The following TMTC2 variants were observed in gnomAD, a reference collection of about 807,000 sequenced individuals.
TMTC2 encodes transmembrane O-mannosyltransferase targeting cadherins 2, also known as protein O-mannosyl-transferase TMTC2.
TMTC2 carries 43 observed loss-of-function variants against 82.4 expected under a neutral mutation model. That is an observed-to-expected ratio of 0.52 (90% CI 0.41 to 0.67). The LOEUF is 0.67. Among genes scored for constraint, TMTC2 ranks in the 30% least tolerant of loss-of-function variants. The pLI, the probability that TMTC2 is intolerant of heterozygous loss-of-function variation, is 0.00. For missense variants in TMTC2, 919 were observed against 1,012.4 expected (o/e 0.91, Z 1.25); for synonymous variants, 408 against 381.9 (o/e 1.07, Z -0.80).
intron 9 of TMTC2, among the ~76,000 whole-genome samples, chr12:83,047,343 C>T (rs948817657): frequency 6.6e-6 from 1 of 152,142 alleles, no homozygotes; most frequent in Non-Finnish European, 1.5e-5. Context: ...ACCTACTATT[C>T]TTTGTTTCCC....
chr12:82,729,255 T>C (rs926181282), intron 1 of TMTC2, among the ~76,000 whole-genome samples: 13 of 152,364 alleles, frequency 8.5e-5, no homozygotes, highest in East Asian at 1.9e-4. Flanking sequence ...ATTGGCACTC[T>C]GTATCTACCT....
intron 11 of TMTC2, among the ~76,000 whole-genome samples, chr12:83,107,210 A>G: frequency 6.6e-6 from 1 of 152,332 alleles, no homozygotes. Flanking sequence ...GTAAATGTAA[A>G]TCTTTGTGAT....
At chr12:83,036,910 A>G (rs992370822) in intron 9 of TMTC2, among the ~76,000 whole-genome samples, 40 of 152,272 alleles carry the variant, frequency 2.6e-4, no homozygotes, top group African/African-American at 9.4e-4. Flanking sequence ...AGGGGCATCC[A>G]GGCTTTATAA....
chr12:82,764,984 A>G (rs1876870691), intron 1 of TMTC2, among the ~76,000 whole-genome samples: 1 of 149,778 alleles, frequency 6.7e-6, no homozygotes, highest in Non-Finnish European at 1.5e-5. Context: ...CGGGGGGGTG[A>G]CTGCACCTGT....
intron 3 of TMTC2, among the ~76,000 whole-genome samples, chr12:82,901,246 A>AAT (rs1278009485): frequency 7.2e-6 from 1 of 138,592 alleles, no homozygotes. Flanking sequence ...TATATATAGG[A>AAT]ATATATATAT....
At position 82,913,256 on chromosome 12, in the gene TMTC2, C is replaced by T. The variant is rs981597356; in HGVS notation, c.1483+16610C>T. Among the ~76,000 whole-genome samples the T allele has an allele frequency of 2.0e-5, 3 of 152,092 alleles. No individual in the cohort carries two copies. In the East Asian group the frequency reaches 5.8e-4, roughly 29 times the overall value. The stretch of plus-strand genomic sequence containing the variant: ...TGATGAAGTCACTAAAGTCCTAATG[C>T]CATGCTTCTGTTCTCTGTGGTACCA... On this transcript the variant is annotated intron_variant, in intron 3 of 11. Transcript: ENST00000321196.
intron 7 of TMTC2, among the ~76,000 whole-genome samples, chr12:82,970,153 G>T (rs1592665266): frequency 1.3e-5 from 2 of 152,132 alleles, no homozygotes; most frequent in Admixed American, 1.3e-4. Flanking sequence ...TTCTCCCTGA[G>T]CATCCTTGGG....
intron 11 of TMTC2, among the ~76,000 whole-genome samples, chr12:83,105,374 A>G (rs1218980437): frequency 6.6e-6 from 1 of 152,146 alleles, no homozygotes; most frequent in Non-Finnish European, 1.5e-5. Flanking sequence ...CTATGAAGAA[A>G]TACCTGAGAC....
intron 11 of TMTC2, among the ~76,000 whole-genome samples, chr12:83,091,101 T>G (rs910568798): frequency 2.0e-5 from 3 of 152,148 alleles, no homozygotes; most frequent in Non-Finnish European, 4.4e-5. Flanking sequence ...CACATCATAC[T>G]TTGCCCTCAC....
intron 9 of TMTC2, among the ~76,000 whole-genome samples, chr12:83,040,772 C>T (rs1390267935): frequency 6.6e-6 from 1 of 150,592 alleles, no homozygotes; most frequent in Non-Finnish European, 1.5e-5. Context: ...GCAAGCTCTG[C>T]CTCCCGGGTT....
chr12:83,004,722 A>ATTTTTTTTTTTTTT lies in TMTC2; in HGVS notation c.2070+18708_2070+18721dup, dbSNP rs528076999. On this transcript the variant is annotated intron_variant, in intron 8 of 11. Coordinates refer to ENST00000321196, the MANE Select transcript of TMTC2 (RefSeq NM_152588.3). ...TTCACAGGCAGTGTATACTGGCCGA[A>ATTTTTTTTTTTTTT]TTTTTTTTTTTTTTTTTTTTTTTTT... Among the ~76,000 whole-genome samples the ATTTTTTTTTTTTTT allele has an allele frequency of 7.2e-4, 26 of 36,032 alleles. 5 individuals carry two copies. The highest frequency in any genetic ancestry group is 1.2e-3 in the Non-Finnish European group (23 of 18,964). The allele number at this position is 36,032 out of a possible 152,430, so 23.6% of individuals were successfully genotyped here. A position where few individuals can be genotyped will look rare whatever the true frequency, so the allele number is the denominator to read the frequency against.
intron 1 of TMTC2, among the ~76,000 whole-genome samples, chr12:82,748,505 C>T (rs1875806403): frequency 6.6e-6 from 1 of 152,042 alleles, no homozygotes. Flanking sequence ...TCACGTGTAA[C>T]ATGGAGACTA....
intron 11 of TMTC2, among the ~76,000 whole-genome samples, chr12:83,074,933 G>T (rs894770918): frequency 6.6e-6 from 1 of 152,168 alleles, no homozygotes; most frequent in Non-Finnish European, 1.5e-5. Flanking sequence ...TTCAGCTAGA[G>T]ATTTCCTTCT....
At chr12:83,106,040 C>A (rs1884381350) in intron 11 of TMTC2, among the ~76,000 whole-genome samples, 1 of 151,866 alleles carries the variant, frequency 6.6e-6, no homozygotes, top group Non-Finnish European at 1.5e-5. Flanking sequence ...CTGTTGAAAT[C>A]AAAACTCAAT....
At chr12:82,863,914 GGGA>G in intron 2 of TMTC2, among the ~76,000 whole-genome samples, 1 of 152,280 alleles carries the variant, frequency 6.6e-6, no homozygotes, top group African/African-American at 2.4e-5. Context: ...AGGGTTATAA[GGGA>G]GCCATTGAGA....
At chr12:82,882,461 C>T (rs1188732477) in intron 2 of TMTC2, among the ~76,000 whole-genome samples, 1 of 151,936 alleles carries the variant, frequency 6.6e-6, no homozygotes, top group Non-Finnish European at 1.5e-5. Context: ...ATAACTCGAT[C>T]TGTTACTCTG....
chr12:82,912,877 T>C (rs965950561), intron 3 of TMTC2, among the ~76,000 whole-genome samples: 2 of 146,798 alleles, frequency 1.4e-5, no homozygotes, highest in African/African-American at 5.0e-5. Flanking sequence ...AGGTCGAAGC[T>C]GCAGTACGCT....
chr12:83,081,012 T>G (rs1252368289), intron 11 of TMTC2, among the ~76,000 whole-genome samples: 3 of 152,202 alleles, frequency 2.0e-5, no homozygotes, highest in Non-Finnish European at 2.9e-5. Context: ...AATAGTGGTG[T>G]TGTGGTCCCT....
At chr12:82,811,776 T>G in intron 1 of TMTC2, among the ~76,000 whole-genome samples, 1 of 151,314 alleles carries the variant, frequency 6.6e-6, no homozygotes, top group Admixed American at 6.6e-5. Flanking sequence ...TTTTAAGATT[T>G]ATTTGAAGTT....
Sources: allele counts gnomAD v4.1 joint callset (sites outside exome capture counted in the v4.1 genomes callset), GRCh38; gene constraint gnomAD v4.1.1; transcripts MANE v1.5; gene names NCBI Gene and HGNC (gene_info 2026-07-23, HGNC 2026-07-21).